The following IL17RD variants were observed in gnomAD, a reference collection of about 807,000 sequenced individuals.
The protein encoded by IL17RD is interleukin 17 receptor D.
In IL17RD, 52 loss-of-function variants were observed where a neutral mutation model predicts 80.5. The observed-to-expected ratio is 0.65, with a 90% CI of 0.52 to 0.81. The LOEUF (loss-of-function observed/expected upper bound fraction) is 0.81, where lower values mean the gene tolerates loss of function less well. IL17RD is among the 40% of genes least tolerant of loss of function. IL17RD has a pLI of 0.00. For missense variants in IL17RD, 1,024 were observed against 955.1 expected, an observed-to-expected ratio of 1.07 and a Z score of -0.95; for synonymous variants, 416 against 391.8, an observed-to-expected ratio of 1.06 and a Z score of -0.73.
At chr3:57,157,588 T>G (rs1262850358) in intron 1 of IL17RD, among the ~76,000 whole-genome samples, 4 of 152,216 alleles carry the variant, frequency 2.6e-5, no homozygotes, top group Non-Finnish European at 4.4e-5. Context: ...AGAGCAAATG[T>G]GCACACTCCA....
rs955092878 is a variant in IL17RD, at chr3:57,093,256, T to C, written c.*3137A>G. 2.0e-5 allele frequency: 3 copies of C among 152,194 alleles called. No individual in the cohort carries two copies. The highest frequency in any genetic ancestry group is 7.2e-5 in the African/African-American group (3 of 41,452). The allele number at this position is 152,194 out of a possible 1,614,324, so 9.4% of individuals were successfully genotyped here. On this transcript the variant is annotated 3_prime_UTR_variant, in exon 13 of 13. Coordinates refer to ENST00000296318, the MANE Select transcript of IL17RD (RefSeq NM_017563.5). ...TAAGAGCAGTAGTAGTCTTCACCAA[T>C]AGAAAATAAAAAAGACTAGTAACCT...
intron 1 of IL17RD, among the ~76,000 whole-genome samples, chr3:57,157,534 C>G (rs894143247): frequency 2.0e-5 from 3 of 152,224 alleles, no homozygotes; most frequent in African/African-American, 4.8e-5. Context: ...AGATACTGAA[C>G]AGTTACAATA....
chr3:57,142,447 A>ACT (rs763286219), intron 1 of IL17RD: 10 of 1,210,006 alleles, frequency 8.3e-6, no homozygotes, highest in Non-Finnish European at 1.1e-5. Context: ...TGGCTCACCC[A>ACT]CTAACCTGCT....
Position 57,098,539 on chromosome 3 carries a change from C to G in IL17RD, c.1165-1G>C, listed in dbSNP as rs1448218258. The stretch of plus-strand genomic sequence containing the variant: ...AGTCTTCCCACAGGTCCAGAGCCAC[C>G]TGGAAAGAGAACAAGGCACCTCACC... On this transcript the variant is annotated splice_acceptor_variant, in intron 11 of 12. Coordinates refer to ENST00000296318, the MANE Select transcript of IL17RD (RefSeq NM_017563.5). LOFTEE classifies it high-confidence loss of function. The G allele has an allele frequency of 6.3e-7, 1 of 1,581,092 alleles. No individual in the cohort carries two copies. Among genetic ancestry groups the G allele is most frequent in the African/African-American group, 1.4e-5 (1 of 73,764 alleles).
At chr3:57,141,697 C>CT (rs1707832080) in intron 1 of IL17RD, among the ~76,000 whole-genome samples, 4 of 152,226 alleles carry the variant, frequency 2.6e-5, no homozygotes, top group East Asian at 1.9e-4. Flanking sequence ...GCTTGACACT[C>CT]TAAGTTTCTT....
chr3:57,157,860 AGTC>A (rs1297319557), intron 1 of IL17RD, among the ~76,000 whole-genome samples: 2 of 152,192 alleles, frequency 1.3e-5, no homozygotes, highest in Non-Finnish European at 2.9e-5. Context: ...CGAGTAAAAC[AGTC>A]CATCGCAGCA....
Position 57,120,280 on chromosome 3 carries a change from ACAGCCCACT to A in IL17RD, c.151_159del (p.Ser51_Leu53del). On this transcript the variant is annotated inframe_deletion, in exon 2 of 13. Transcript: ENST00000296318. ...CTGTCATATTTGAAGGTGATGTTGTACAGCCCACTGTTTCTGCTGGCTGGCCCCACTCCC... is the reference window on the plus strand; with the variant it reads ...CTGTCATATTTGAAGGTGATGTTGTAGTTTCTGCTGGCTGGCCCCACTCCC... 1 of 1,613,698 alleles carries A rather than the reference ACAGCCCACT, an allele frequency of 6.2e-7. No individual in the cohort carries two copies. The highest frequency in any genetic ancestry group is 8.5e-7 in the Non-Finnish European group (1 of 1,179,558).
At chr3:57,112,404 C>T (rs1273468942) in intron 3 of IL17RD, among the ~76,000 whole-genome samples, 4 of 152,220 alleles carry the variant, frequency 2.6e-5, no homozygotes, top group Non-Finnish European at 4.4e-5. Flanking sequence ...AACTCACATG[C>T]TTTTCTACCT....
chr3:57,130,199 GT>G (rs1162053870), intron 1 of IL17RD, among the ~76,000 whole-genome samples: 4 of 152,126 alleles, frequency 2.6e-5, no homozygotes, highest in African/African-American at 9.7e-5. Flanking sequence ...ATTTTGGGAG[GT>G]TCCCAGAGCT....
intron 1 of IL17RD, among the ~76,000 whole-genome samples, chr3:57,136,581 C>T (rs1707731726): frequency 6.7e-6 from 1 of 150,274 alleles, no homozygotes; most frequent in African/African-American, 2.5e-5. Context: ...CACCACTGCA[C>T]TCCAGCCTGG....
intron 5 of IL17RD, among the ~76,000 whole-genome samples, chr3:57,109,242 A>T (rs1165949869): frequency 6.6e-6 from 1 of 151,962 alleles, no homozygotes; most frequent in East Asian, 1.9e-4. Flanking sequence ...TCTGTCTCCC[A>T]GGTTCAAGCA....
chr3:57,107,044 T>C (rs1706979881), intron 5 of IL17RD, among the ~76,000 whole-genome samples: 1 of 152,222 alleles, frequency 6.6e-6, no homozygotes, highest in Non-Finnish European at 1.5e-5. Flanking sequence ...CTAGAGATGA[T>C]GTGACATACA....
At chr3:57,167,881 G>C (rs1345211340), upstream of IL17RD, among the ~76,000 whole-genome samples, 1 of 152,060 alleles carries the variant, frequency 6.6e-6, no homozygotes, top group Non-Finnish European at 1.5e-5. Flanking sequence ...ACCCAGGCTA[G>C]AGTGAGTGAT....
chr3:57,161,163 T>C (rs2060302047), intron 1 of IL17RD, among the ~76,000 whole-genome samples: 1 of 152,178 alleles, frequency 6.6e-6, no homozygotes, highest in African/African-American at 2.4e-5. Context: ...CTCTAAAAAA[T>C]GTATCAACCA....
chr3:57,163,795 G>T (rs1242860491), intron 1 of IL17RD, among the ~76,000 whole-genome samples: 10 of 118,944 alleles, frequency 8.4e-5, no homozygotes, highest in East Asian at 3.1e-4. Context: ...CGGGGGGGCG[G>T]GGGGGGAAGG....
At chr3:57,115,615 G>A (rs541791130) in intron 2 of IL17RD, among the ~76,000 whole-genome samples, 7 of 152,186 alleles carry the variant, frequency 4.6e-5, no homozygotes, top group South Asian at 4.2e-4. Flanking sequence ...AAAACCTTCC[G>A]GCCAGAATCA....
chr3:57,140,594 T>G (rs1707810046), intron 1 of IL17RD, among the ~76,000 whole-genome samples: 1 of 152,238 alleles, frequency 6.6e-6, no homozygotes, highest in African/African-American at 2.4e-5. Context: ...TGCTGCCATT[T>G]GACAGATGTA....
Position 57,098,290 on chromosome 3 carries a change from C to T in IL17RD, c.1413G>A (p.Ala471=), listed in dbSNP as rs747651301. The T allele has an allele frequency of 4.3e-6, 7 of 1,613,898 alleles. No individual in the cohort carries two copies. The highest frequency in any genetic ancestry group is 5.1e-6 in the Non-Finnish European group (6 of 1,179,900). The change falls in exon 12 of 13, where the codon GCG becomes GCA. Residue 471 remains alanine (A), a synonymous_variant. Coordinates refer to ENST00000296318, the MANE Select transcript of IL17RD (RefSeq NM_017563.5). ...AGTAGACGGCGATAAACTTGCTGAG[C>T]GCCGCGGACGAACTCTGCTTGGCCT... The part of the protein sequence containing the change: ...LRQAKQSSSA[A]LSKFIAVYFD...
rs866130349 is a variant in IL17RD, at chr3:57,098,349, C to T, written c.1354G>A (p.Val452Met). 1.9e-6 allele frequency: 3 copies of T among 1,614,018 alleles called. No homozygotes were observed. Among genetic ancestry groups the T allele is most frequent in the African/African-American group, 2.7e-5 (2 of 75,052 alleles). ...RGSGKGELFL[V>M]AVSAIAEKLR... is the part of the protein sequence containing the mutation. ...TTTTCGGCAATGGCTGACACCGCCA[C>T]CAGGAAGAGCTCTCCTTTCCCCGAG... Residue 452 changes from valine to methionine, a missense_variant, in exon 12 of 13, where the codon GTG (valine) becomes ATG (methionine). Physicochemically the swap from Val to Met is conservative, Grantham distance 21. Transcript: ENST00000296318.
Sources: gnomAD v4.1 joint callset for allele counts (sites outside exome capture counted in the v4.1 genomes callset) on GRCh38, gnomAD v4.1.1 for gene constraint, MANE v1.5 for transcripts, NCBI Gene and HGNC (gene_info 2026-07-23, HGNC 2026-07-21) for gene names.